The following SLC2A9 variants were observed in gnomAD, a reference collection of about 807,000 sequenced individuals.
SLC2A9 encodes the protein solute carrier family 2 member 9, also known as solute carrier family 2, facilitated glucose transporter member 9.
A neutral mutation model predicts 50.6 loss-of-function variants in SLC2A9; 39 were observed. That is an observed-to-expected ratio of 0.77 (90% CI 0.60 to 1.01). The LOEUF is 1.01. Among genes scored for constraint, SLC2A9 ranks in the 50% least tolerant of loss-of-function variants. The probability of loss-of-function intolerance (pLI) is 0.00; values close to 1 mark genes in which losing one functional copy is unlikely to be tolerated. For synonymous variants in SLC2A9, 324 were observed against 276.9 expected (o/e 1.17, Z -1.69); for missense variants, 686 against 677.6 (o/e 1.01, Z -0.14).
intron 5 of SLC2A9, among the ~76,000 whole-genome samples, chr4:9,968,552 C>T (rs759050684): frequency 4.6e-5 from 7 of 152,156 alleles, no homozygotes; most frequent in Non-Finnish European, 8.8e-5. Context: ...CTTCATGTGT[C>T]TACATTGTTC....
At position 9,985,703 on chromosome 4, in the gene SLC2A9, G is replaced by A. The variant is rs985557021; in HGVS notation, c.501C>T (p.Leu167=). 1 of 1,614,014 alleles carries A rather than the reference G, an allele frequency of 6.2e-7. No homozygotes were observed. Among genetic ancestry groups the A allele is most frequent in the Non-Finnish European group, 8.5e-7 (1 of 1,179,868 alleles). ...CSLQAGAFEM[L]IVGRFIMGID... ...TGCCCATGATGAAGCGTCCCACGAT[G>A]AGCATTTCAAAGGCTCCTGCCTGGA... Residue 167 remains leucine, a synonymous_variant, in exon 4 of 12, where the codon CTC becomes CTT. Transcript: ENST00000264784.
intron 5 of SLC2A9, among the ~76,000 whole-genome samples, chr4:9,948,507 C>G (rs1042387373): frequency 6.6e-6 from 1 of 152,208 alleles, no homozygotes; most frequent in Non-Finnish European, 1.5e-5. Context: ...CTGCTGGGAG[C>G]ATTACTGGCT....
At chr4:9,972,597 C>G (rs1394166563) in intron 5 of SLC2A9, among the ~76,000 whole-genome samples, 1 of 152,156 alleles carries the variant, frequency 6.6e-6, no homozygotes, top group Non-Finnish European at 1.5e-5. Flanking sequence ...ACCAACCATA[C>G]TCTCAGACCA....
chr4:9,823,083 A>G (rs752530409), downstream of SLC2A9, among the ~76,000 whole-genome samples: 51 of 152,286 alleles, frequency 3.3e-4, no homozygotes, highest in Non-Finnish European at 6.3e-4. Context: ...GCTAGTTATG[A>G]TCAGTGGGAG....
intron 7 of SLC2A9, among the ~76,000 whole-genome samples, chr4:9,910,219 T>C (rs11935405): frequency 0.22 from 33,247 of 152,146 alleles, 4,228 homozygotes; most frequent in African/African-American, 0.35. Flanking sequence ...CTGCACCTGT[T>C]TCTCACTTGA....
chr4:9,837,787 A>T (rs554618677), intron 10 of SLC2A9, among the ~76,000 whole-genome samples: 1 of 152,338 alleles, frequency 6.6e-6, no homozygotes, highest in Admixed American at 6.5e-5. Flanking sequence ...CTTCAGACCA[A>T]GCCCTAAGCA....
At chr4:9,994,389 C>G (rs1213074963) in intron 3 of SLC2A9, among the ~76,000 whole-genome samples, 1 of 152,142 alleles carries the variant, frequency 6.6e-6, no homozygotes, top group Non-Finnish European at 1.5e-5. Flanking sequence ...AACTTCAGCC[C>G]AAATCAACTT....
chr4:9,828,973 G>A (rs752362521), intron 11 of SLC2A9, among the ~76,000 whole-genome samples: 9 of 152,280 alleles, frequency 5.9e-5, no homozygotes, highest in South Asian at 4.1e-4. Flanking sequence ...GCTTCCTGCC[G>A]TATCCCAGGC....
chr4:9,840,275 C>T (rs1727832326), intron 10 of SLC2A9, among the ~76,000 whole-genome samples: 1 of 152,164 alleles, frequency 6.6e-6, no homozygotes, highest in South Asian at 2.1e-4. Context: ...CTCTCCCAAA[C>T]CCTGCAATTC....
intron 3 of SLC2A9, among the ~76,000 whole-genome samples, chr4:9,792,159 GTTTCTTTT>G (rs1720005181): frequency 1.1e-5 from 1 of 94,602 alleles, no homozygotes; most frequent in African/African-American, 3.5e-5. Flanking sequence ...TCTATTCTAT[GTTTCTTTT>G]TTTTTTTTTT....
chr4:9,917,612 C>T (rs1164166432), intron 7 of SLC2A9, among the ~76,000 whole-genome samples: 2 of 151,798 alleles, frequency 1.3e-5, no homozygotes, highest in East Asian at 1.9e-4. Flanking sequence ...ATTACAGGCA[C>T]AAGACACTGC....
At chr4:9,802,894 C>T (rs1721642415) in intron 3 of SLC2A9, among the ~76,000 whole-genome samples, 1 of 152,146 alleles carries the variant, frequency 6.6e-6, no homozygotes, top group African/African-American at 2.4e-5. Context: ...CTGCCTTATC[C>T]AGGAATATTT....
chr4:9,841,976 G>A (rs1284213071), intron 10 of SLC2A9, among the ~76,000 whole-genome samples: 4 of 152,208 alleles, frequency 2.6e-5, no homozygotes, highest in Non-Finnish European at 5.9e-5. Context: ...TCTCTGGTCA[G>A]TGCTGTTTTC....
intron 1 of SLC2A9, among the ~76,000 whole-genome samples, chr4:9,772,575 TGA>T (rs1379967776): frequency 1.3e-5 from 2 of 152,172 alleles, no homozygotes; most frequent in Admixed American, 6.5e-5. Flanking sequence ...GGCCTCTGAA[TGA>T]GACACACAGA....
At chr4:9,982,390 T>C (rs1334392883) in intron 4 of SLC2A9, among the ~76,000 whole-genome samples, 1 of 152,240 alleles carries the variant, frequency 6.6e-6, no homozygotes, top group Non-Finnish European at 1.5e-5. Flanking sequence ...CGAAGTTTTT[T>C]CTTTCCTTCT....
At position 9,826,509 on chromosome 4, in the gene SLC2A9, T is replaced by C. The variant is rs1445138560; in HGVS notation, c.1511A>G (p.Asn504Ser). Residue 504 changes from asparagine (N) to serine (S), a missense_variant, in exon 12 of 12, where the codon AAC becomes AGC. Transcript: ENST00000264784. ...CTGGCTGATTTCTGCATAGGTTCTG[T>C]TTTTGGTCTCAGGCAGCACAAAATA... is the stretch of plus-strand genomic sequence containing the variant. The part of the protein sequence containing the change: ...YLYFVLPETK[N>S]RTYAEISQAF... The C allele has an allele frequency of 1.2e-6, 2 of 1,614,002 alleles. No individual in the cohort carries two copies. Among genetic ancestry groups the C allele is most frequent in the African/African-American group, 1.3e-5 (1 of 75,038 alleles).
rs181452216 is a variant in SLC2A9 at position 9,928,258 on chromosome 4, C to G, written c.815-7686G>C. Among the ~76,000 whole-genome samples the G allele has an allele frequency of 2.0e-5, 3 of 152,364 alleles. No individual in the cohort carries two copies. In the East Asian group the frequency reaches 5.8e-4, roughly 29 times the overall value. On this transcript the variant is annotated intron_variant, in intron 6 of 11. Transcript: ENST00000264784. ...CTAGCCTCAATGACCATTGACAGTA[C>G]GCTGCCTCACAGAGATTTTCAAATT...
At chr4:9,966,727 T>A (rs934741836) in intron 5 of SLC2A9, among the ~76,000 whole-genome samples, 1 of 152,192 alleles carries the variant, frequency 6.6e-6, no homozygotes, top group Non-Finnish European at 1.5e-5. Flanking sequence ...TTATAACTCA[T>A]AAATAGAAAC....
At chr4:9,773,361 T>C (rs1189842686) in intron 1 of SLC2A9, among the ~76,000 whole-genome samples, 2 of 152,192 alleles carry the variant, frequency 1.3e-5, no homozygotes, top group African/African-American at 4.8e-5. Flanking sequence ...AGAACAGAGC[T>C]TTCATTGCTG....
Sources: allele counts gnomAD v4.1 joint callset (sites outside exome capture counted in the v4.1 genomes callset), GRCh38; gene constraint gnomAD v4.1.1; transcripts MANE v1.5; gene names NCBI Gene and HGNC (gene_info 2026-07-23, HGNC 2026-07-21).